The following CACNA2D3 variants were observed in gnomAD, a reference collection of about 807,000 sequenced individuals.
The protein encoded by CACNA2D3 is calcium voltage-gated channel auxiliary subunit alpha2delta 3.
Under a neutral mutation model 160.6 loss-of-function variants are expected in CACNA2D3, and 60 were observed. That is an observed-to-expected ratio of 0.37 (90% CI 0.30 to 0.46). The LOEUF (loss-of-function observed/expected upper bound fraction) is 0.46, where lower values mean the gene tolerates loss of function less well. CACNA2D3 is among the 20% of genes least tolerant of loss of function. The probability of loss-of-function intolerance (pLI) is 1.00; values close to 1 mark genes in which losing one functional copy is unlikely to be tolerated. For missense variants in CACNA2D3, 1,205 were observed against 1,365.0 expected (o/e 0.88, Z 1.85); for synonymous variants, 558 against 492.9 (o/e 1.13, Z -1.75).
intron 35 of CACNA2D3, among the ~76,000 whole-genome samples, chr3:55,023,183 C>A (rs1703497317): frequency 1.3e-5 from 2 of 152,088 alleles, no homozygotes; most frequent in East Asian, 3.9e-4. Flanking sequence ...CACTTTTAGC[C>A]TTGTACCTTT....
chr3:54,900,416 C>T (rs1700300676), intron 27 of CACNA2D3, among the ~76,000 whole-genome samples: 1 of 152,194 alleles, frequency 6.6e-6, no homozygotes, highest in Non-Finnish European at 1.5e-5. Flanking sequence ...AGTCCCGTTT[C>T]TGGCTTTTTC....
At chr3:54,358,610 G>A (rs750000096) in intron 3 of CACNA2D3, among the ~76,000 whole-genome samples, 7 of 152,236 alleles carry the variant, frequency 4.6e-5, no homozygotes, top group Non-Finnish European at 7.3e-5. Context: ...GACCTCCTAG[G>A]GGGAGCTGCC....
intron 2 of CACNA2D3, among the ~76,000 whole-genome samples, chr3:54,173,146 A>G (rs895512184): frequency 4.8e-4 from 73 of 152,232 alleles, no homozygotes; most frequent in Admixed American, 3.7e-3. Context: ...TACATCAGCA[A>G]TATGAAAGCT....
intron 11 of CACNA2D3, among the ~76,000 whole-genome samples, chr3:54,655,947 T>G (rs763387299): frequency 3.9e-5 from 6 of 152,330 alleles, no homozygotes; most frequent in Middle Eastern, 3.4e-3. Context: ...TTCCTCTCCT[T>G]GTGCTGTGGT....
intron 11 of CACNA2D3, among the ~76,000 whole-genome samples, chr3:54,648,366 G>A (rs1699694751): frequency 6.6e-6 from 1 of 152,226 alleles, no homozygotes; most frequent in Non-Finnish European, 1.5e-5. Flanking sequence ...ATGGCTGATG[G>A]CAGAATTCAG....
intron 29 of CACNA2D3, among the ~76,000 whole-genome samples, chr3:54,981,569 G>A (rs1485213860): frequency 2.0e-5 from 3 of 152,162 alleles, no homozygotes; most frequent in Middle Eastern, 3.2e-3. Context: ...GAGAAAAAGA[G>A]GCTAGAAGTC....
At chr3:54,169,089 C>T (rs1700509301) in intron 2 of CACNA2D3, among the ~76,000 whole-genome samples, 1 of 152,182 alleles carries the variant, frequency 6.6e-6, no homozygotes, top group South Asian at 2.1e-4. Flanking sequence ...CCTGAGTCTG[C>T]TTGTGAGCTG....
chr3:54,289,957 A>G (rs549184070), intron 2 of CACNA2D3, among the ~76,000 whole-genome samples: 13 of 151,182 alleles, frequency 8.6e-5, no homozygotes, highest in African/African-American at 3.2e-4. Flanking sequence ...TAAAAACCCT[A>G]GAAGAAAACG....
chr3:54,162,886 G>C (rs898068504), intron 2 of CACNA2D3, among the ~76,000 whole-genome samples: 2 of 152,188 alleles, frequency 1.3e-5, no homozygotes, highest in Admixed American at 1.3e-4. Context: ...TGTAATTTCA[G>C]GTAGTAAGTG....
chr3:54,734,951 C>G (rs1425812272), intron 11 of CACNA2D3, among the ~76,000 whole-genome samples: 1 of 152,216 alleles, frequency 6.6e-6, no homozygotes, highest in African/African-American at 2.4e-5. Context: ...AAGCAGGAGA[C>G]TGGCCTCAGG....
At chr3:55,045,065 T>C (rs1228628296) in intron 35 of CACNA2D3, among the ~76,000 whole-genome samples, 1 of 152,044 alleles carries the variant, frequency 6.6e-6, no homozygotes, top group Non-Finnish European at 1.5e-5. Flanking sequence ...TTTTTGTTTT[T>C]GAGACAGAGT....
At chr3:54,795,537 C>A (rs941374449) in intron 13 of CACNA2D3, among the ~76,000 whole-genome samples, 1 of 152,122 alleles carries the variant, frequency 6.6e-6, no homozygotes, top group Admixed American at 6.6e-5. Flanking sequence ...GAGTTTTGTT[C>A]TGGCAGTCAG....
At chr3:54,403,381 A>G (rs1258553648) in intron 4 of CACNA2D3, among the ~76,000 whole-genome samples, 1 of 151,494 alleles carries the variant, frequency 6.6e-6, no homozygotes, top group Non-Finnish European at 1.5e-5. Flanking sequence ...ACACACACAC[A>G]CACACACACA....
intron 14 of CACNA2D3, 149 bp downstream of exon 14, chr3:54,817,019 G>A: frequency 1.1e-6 from 1 of 910,970 alleles, no homozygotes; most frequent in Non-Finnish European, 1.7e-6. Context: ...GGAACAGAGA[G>A]GCCAGCAGAC....
chr3:54,472,583 A>G (rs1394801108), intron 4 of CACNA2D3, among the ~76,000 whole-genome samples: 2 of 152,218 alleles, frequency 1.3e-5, no homozygotes. Flanking sequence ...ATAGGAAGAG[A>G]AGAAGTCAAA....
intron 12 of CACNA2D3, among the ~76,000 whole-genome samples, chr3:54,763,481 C>A (rs1702122182): frequency 6.6e-6 from 1 of 151,648 alleles, no homozygotes; most frequent in South Asian, 2.1e-4. Context: ...AATGAACTAG[C>A]CTTTAATTTT....
At chr3:54,370,437 A>T (rs1311074123) in intron 3 of CACNA2D3, among the ~76,000 whole-genome samples, 1 of 152,246 alleles carries the variant, frequency 6.6e-6, no homozygotes, top group East Asian at 1.9e-4. Flanking sequence ...CTAAAGACAC[A>T]TAAAAGATGC....
At chr3:54,669,190 A>C (rs1700117383) in intron 11 of CACNA2D3, among the ~76,000 whole-genome samples, 1 of 152,170 alleles carries the variant, frequency 6.6e-6, no homozygotes, top group East Asian at 1.9e-4. Flanking sequence ...GCTTGGCTTA[A>C]TGCTCTGCTA....
At chr3:54,881,466 T>G (rs769432035) in intron 21 of CACNA2D3, among the ~76,000 whole-genome samples, 11 of 152,186 alleles carry the variant, frequency 7.2e-5, no homozygotes, top group Non-Finnish European at 1.3e-4. Flanking sequence ...CACAGTAAAC[T>G]CTCAGTAAAC....
Sources: allele counts gnomAD v4.1 joint callset (sites outside exome capture counted in the v4.1 genomes callset), GRCh38; gene constraint gnomAD v4.1.1; transcripts MANE v1.5; gene names NCBI Gene and HGNC (gene_info 2026-07-23, HGNC 2026-07-21).